FBXL2: variants seen among roughly 807,000 people sequenced by gnomAD.
FBXL2 encodes F-box and leucine rich repeat protein 2.
FBXL2 carries 38 observed loss-of-function variants against 69.2 expected under a neutral mutation model. The observed-to-expected ratio is 0.55, with a 90% CI of 0.42 to 0.72. FBXL2 has a LOEUF of 0.72. FBXL2 is among the 30% of genes least tolerant of loss of function. The pLI, the probability that FBXL2 is intolerant of heterozygous loss-of-function variation, is 0.00. For synonymous variants in FBXL2, 192 were observed against 201.3 expected (o/e 0.95, Z 0.39); for missense variants, 354 against 520.3 (o/e 0.68, Z 3.11).
Position 33,384,955 on chromosome 3 carries a change from G to T in FBXL2, c.1165-546G>T, listed in dbSNP as rs570967643. ...AGGCAGGAGAATCGCTTGAACCCGG[G>T]AGGTGGAGGTTGCAGTGAGCTGAGA... On this transcript the variant is annotated intron_variant, in intron 14 of 14. Coordinates refer to ENST00000484457, the MANE Select transcript of FBXL2 (RefSeq NM_012157.5). Among the ~76,000 whole-genome samples, 480 of 152,280 alleles carry T rather than the reference G, an allele frequency of 3.2e-3. 2 individuals are homozygous for T. Among genetic ancestry groups the T allele is most frequent in the Non-Finnish European group, 4.8e-3 (324 of 68,006 alleles).
At chr3:33,384,342 C>G (rs1427755110) in intron 14 of FBXL2, 141 bp downstream of exon 14, 6 of 744,340 alleles carry the variant, frequency 8.1e-6, no homozygotes, top group Non-Finnish European at 1.3e-5. Context: ...GGGTGGACCA[C>G]TTGAGGTCAG....
intron 7 of FBXL2, 30 bp from the exon 8 acceptor site, chr3:33,373,548 C>T (rs914818110): frequency 3.7e-6 from 6 of 1,613,868 alleles, no homozygotes; most frequent in Non-Finnish European, 5.1e-6. Flanking sequence ...GGAGAGACTG[C>T]ACATAAGTTT....
intron 9 of FBXL2, among the ~76,000 whole-genome samples, chr3:33,374,926 C>T (rs973541140): frequency 6.6e-6 from 1 of 151,966 alleles, no homozygotes; most frequent in African/African-American, 2.4e-5. Flanking sequence ...AGGAAAGCCT[C>T]AAAAGTTCTT....
rs563330470 is a variant in FBXL2, at chr3:33,312,741, A to G, written c.65+15016A>G. Among the ~76,000 whole-genome samples the G allele has an allele frequency of 3.9e-5, 6 of 152,226 alleles. No individual in the cohort carries two copies. In the South Asian group the frequency reaches 1.0e-3, roughly 26 times the overall value. On this transcript the variant is annotated intron_variant, in intron 2 of 14. Coordinates refer to ENST00000484457, the MANE Select transcript of FBXL2 (RefSeq NM_012157.5). ...TTAACTTACTTAACATAAATTATTT[A>G]TTATCCTAATAGCCAGACTGACTAG...
At chr3:33,315,238 CT>C (rs1002398331) in intron 2 of FBXL2, among the ~76,000 whole-genome samples, 9 of 137,520 alleles carry the variant, frequency 6.5e-5, no homozygotes, top group East Asian at 4.1e-4. Context: ...TTTTTTCTTT[CT>C]TTTTTTTCCT....
chr3:33,323,238 G>T (rs754207334), intron 2 of FBXL2, among the ~76,000 whole-genome samples: 1 of 152,112 alleles, frequency 6.6e-6, no homozygotes, highest in Non-Finnish European at 1.5e-5. Context: ...GCTTCATGGT[G>T]CAGTTTTCTA....
intron 2 of FBXL2, among the ~76,000 whole-genome samples, chr3:33,309,570 A>G (rs1282090618): frequency 6.6e-6 from 1 of 152,000 alleles, no homozygotes; most frequent in African/African-American, 2.4e-5. Context: ...CAGCTACTTT[A>G]TGTCTTCTGA....
chr3:33,298,774 G>A (rs984275568), intron 2 of FBXL2, among the ~76,000 whole-genome samples: 3 of 150,946 alleles, frequency 2.0e-5, no homozygotes, highest in East Asian at 1.9e-4. Context: ...GAATTAATAG[G>A]TGTACACATG....
At chr3:33,408,276 A>T (rs988594304), downstream of FBXL2, among the ~76,000 whole-genome samples, 2 of 152,230 alleles carry the variant, frequency 1.3e-5, no homozygotes, top group African/African-American at 4.8e-5. Context: ...TCAAGTATAC[A>T]CATGAGAAAG....
At chr3:33,358,568 G>A (rs2041383149) in intron 2 of FBXL2, among the ~76,000 whole-genome samples, 1 of 152,128 alleles carries the variant, frequency 6.6e-6, no homozygotes. Context: ...AACCAAATGG[G>A]CTTTGTCATC....
intron 2 of FBXL2, among the ~76,000 whole-genome samples, chr3:33,338,198 G>A (rs1018605365): frequency 1.3e-5 from 2 of 152,120 alleles, no homozygotes; most frequent in Non-Finnish European, 2.9e-5. Flanking sequence ...GATCGCTTGC[G>A]ATCAGGAGTT....
chr3:33,305,328 T>G (rs2036618839), intron 2 of FBXL2, among the ~76,000 whole-genome samples: 1 of 152,026 alleles, frequency 6.6e-6, no homozygotes, highest in Non-Finnish European at 1.5e-5. Flanking sequence ...TGTTTTCTTT[T>G]GCATATGGAT....
Position 33,385,542 on chromosome 3 carries a change from C to T in FBXL2, c.1206C>T (p.Pro402=), listed in dbSNP as rs761895451. 19 of 1,613,938 alleles carry T rather than the reference C, an allele frequency of 1.2e-5. No individual in the cohort carries two copies. In the East Asian group the frequency reaches 3.1e-4, roughly 26 times the overall value. The change falls in exon 15 of 15, where the codon CCC becomes CCT. Residue 402 remains proline (P), a synonymous_variant. Coordinates refer to ENST00000484457, the MANE Select transcript of FBXL2 (RefSeq NM_012157.5). ...TCAAAGTCCACGCCTACTTTGCTCC[C>T]GTCACCCCACCGACAGCAGTGGCAG... The part of the protein sequence containing the change: ...PHVKVHAYFA[P]VTPPTAVAGS...
At chr3:33,357,023 G>A (rs1195756466) in intron 2 of FBXL2, among the ~76,000 whole-genome samples, 1 of 152,114 alleles carries the variant, frequency 6.6e-6, no homozygotes, top group African/African-American at 2.4e-5. Flanking sequence ...AGTGTGCCCT[G>A]GGCAGGTTAC....
At chr3:33,372,936 A>G (rs2042385568) in intron 5 of FBXL2, 156 bp from the exon 6 acceptor site, 3 of 685,130 alleles carry the variant, frequency 4.4e-6, no homozygotes, top group South Asian at 3.5e-5. Context: ...TTCTAGATCT[A>G]TCATCAGAAT....
chr3:33,327,551 T>C (rs1410405233), intron 2 of FBXL2, among the ~76,000 whole-genome samples: 1 of 152,168 alleles, frequency 6.6e-6, no homozygotes, highest in African/African-American at 2.4e-5. Flanking sequence ...ACAGGTCATG[T>C]GTCTAATCAA....
At chr3:33,296,543 T>C (rs2035768361) in intron 1 of FBXL2, among the ~76,000 whole-genome samples, 1 of 151,638 alleles carries the variant, frequency 6.6e-6, no homozygotes. Flanking sequence ...CCATTTTGAA[T>C]TTTTTTTTAT....
At chr3:33,379,686 A>C (rs4045539) in intron 13 of FBXL2, among the ~76,000 whole-genome samples, 37,536 of 151,322 alleles carry the variant, frequency 0.25, 5,398 homozygotes, top group East Asian at 0.47. Flanking sequence ...TGTACCAAAA[A>C]AAAAACAAAA....
rs114334147 is a variant in FBXL2 at position 33,378,183 on chromosome 3, G to C, written c.894+36G>C. The C allele has an allele frequency of 2.4e-3, 3,796 of 1,603,870 alleles. 82 individuals carry two copies. In the African/African-American group the frequency reaches 0.045, roughly 19 times the overall value. Reference sequence around the variant, plus strand: ...TCCTGACAGCCCTGCAGGGCAGCCTGCTCCTTAGTCATTGCTGGCCAGTGC... The same window carrying C: ...TCCTGACAGCCCTGCAGGGCAGCCTCCTCCTTAGTCATTGCTGGCCAGTGC... On this transcript the variant is annotated intron_variant, in intron 12 of 14. Coordinates refer to ENST00000484457, the MANE Select transcript of FBXL2 (RefSeq NM_012157.5).
Sources: gnomAD v4.1 joint callset for allele counts (sites outside exome capture counted in the v4.1 genomes callset) on GRCh38, gnomAD v4.1.1 for gene constraint, MANE v1.5 for transcripts, NCBI Gene and HGNC (gene_info 2026-07-23, HGNC 2026-07-21) for gene names.